IDE: variants seen among roughly 807,000 people sequenced by gnomAD.
IDE encodes the protein insulin-degrading enzyme.
A neutral mutation model predicts 133.2 loss-of-function variants in IDE; 58 were observed. The ratio of observed to expected loss-of-function variants is 0.44; its 90% CI spans 0.35 to 0.54. IDE has a LOEUF of 0.54. Among genes scored for constraint, IDE ranks in the 20% least tolerant of loss-of-function variants. The pLI, the probability that IDE is intolerant of heterozygous loss-of-function variation, is 0.00. For synonymous variants in IDE, 396 were observed against 421.3 expected (o/e 0.94, Z 0.73); for missense variants, 981 against 1,234.0 (o/e 0.79, Z 3.07).
chr10:92,480,196 G>A (rs530945230), intron 14 of IDE, among the ~76,000 whole-genome samples: 3 of 152,294 alleles, frequency 2.0e-5, no homozygotes, highest in African/African-American at 7.2e-5. Context: ...GGATTCAAAT[G>A]CAAGTTAAAT....
intron 20 of IDE, among the ~76,000 whole-genome samples, chr10:92,464,206 GA>G (rs1401357420): frequency 6.6e-6 from 1 of 152,142 alleles, no homozygotes. Context: ...TACAAAGTTG[GA>G]GATGACTTTT....
intron 17 of IDE, among the ~76,000 whole-genome samples, chr10:92,472,941 A>AT (rs535455118): frequency 1.7e-3 from 208 of 121,712 alleles, no homozygotes; most frequent in East Asian, 4.0e-3. Context: ...CCAGCCCAGA[A>AT]TTTTTTTTTT....
chr10:92,554,291 T>C (rs1229824597), intron 1 of IDE, among the ~76,000 whole-genome samples: 2 of 152,174 alleles, frequency 1.3e-5, no homozygotes, highest in African/African-American at 2.4e-5. Context: ...TAGTGGCTCA[T>C]GCCTGTCATC....
chr10:92,560,136 C>T (rs1329556058), intron 1 of IDE, among the ~76,000 whole-genome samples: 1 of 152,152 alleles, frequency 6.6e-6, no homozygotes, highest in Non-Finnish European at 1.5e-5. Context: ...TAGAAAGATG[C>T]TATGTTGTTG....
chr10:92,526,422 A>G (rs1288231022), intron 4 of IDE, among the ~76,000 whole-genome samples: 13 of 152,156 alleles, frequency 8.5e-5, no homozygotes, highest in Admixed American at 7.2e-4. Context: ...TCAGAATCCT[A>G]CTGTCCTTTC....
rs1454230658 is a variant in IDE at position 92,468,348 on chromosome 10, T to A, written c.2320+531A>T. Among the ~76,000 whole-genome samples the A allele has an allele frequency of 2.6e-5, 4 of 152,212 alleles. No individual in the cohort carries two copies. In the East Asian group the frequency reaches 7.7e-4, roughly 29 times the overall value. On this transcript the variant is annotated intron_variant, in intron 19 of 24. Coordinates refer to ENST00000265986, the MANE Select transcript of IDE (RefSeq NM_004969.4). ...GAGCAATATTGACAATAATGCTTAA[T>A]GAGTTTTTATCAGAAGAAGCCACTG...
intron 1 of IDE, among the ~76,000 whole-genome samples, chr10:92,552,857 C>CGAAAAAAAAAAAAAAAAAAA (rs1842846016): frequency 2.0e-5 from 1 of 49,380 alleles, no homozygotes; most frequent in African/African-American, 1.1e-4. Flanking sequence ...GACTCAGTCT[C>CGAAAAAAAAAAAAAAAAAAA]AAAAAAAAAA....
chr10:92,499,333 T>G (rs1188819766), intron 11 of IDE, among the ~76,000 whole-genome samples: 1 of 151,660 alleles, frequency 6.6e-6, no homozygotes, highest in Non-Finnish European at 1.5e-5. Context: ...ACCGTAGAGA[T>G]GAGGTTTTGC....
chr10:92,565,431 GA>G (rs1843491165), intron 1 of IDE, among the ~76,000 whole-genome samples: 3 of 146,780 alleles, frequency 2.0e-5, no homozygotes, highest in Non-Finnish European at 4.5e-5. Flanking sequence ...AAAAAGAAAA[GA>G]AAGAAAGAAA....
At chr10:92,482,571 CA>C (rs1337267937) in intron 14 of IDE, among the ~76,000 whole-genome samples, 1 of 152,034 alleles carries the variant, frequency 6.6e-6, no homozygotes, top group Non-Finnish European at 1.5e-5. Flanking sequence ...AATACAAAGC[CA>C]AAGCAATAAA....
At position 92,452,126 on chromosome 10, in the gene IDE, C is replaced by T. The variant is rs1844773289; in HGVS notation, c.*2318G>A. 1 of 152,180 alleles carries T rather than the reference C, an allele frequency of 6.6e-6. No individual in the cohort carries two copies. 9.4% of individuals were successfully genotyped at this position (152,180 alleles called of 1,614,324 possible). A position where few individuals can be genotyped will look rare whatever the true frequency, so the allele number is the denominator to read the frequency against. On this transcript the variant is annotated 3_prime_UTR_variant, in exon 25 of 25. Transcript: ENST00000265986. ...TGTTAATATAATTCACTGCTTTCTGCATTATGAACAATGAAAGCAAGAAAT... is the reference window on the plus strand; with the variant it reads ...TGTTAATATAATTCACTGCTTTCTGTATTATGAACAATGAAAGCAAGAAAT...
intron 4 of IDE, among the ~76,000 whole-genome samples, chr10:92,522,807 T>C (rs935023699): frequency 6.6e-6 from 1 of 152,130 alleles, no homozygotes; most frequent in African/African-American, 2.4e-5. Flanking sequence ...GGGGTTACTG[T>C]GAGAATTATT....
At chr10:92,470,418 C>T in intron 17 of IDE, 73 bp from the exon 18 acceptor site, 2 of 952,026 alleles carry the variant, frequency 2.1e-6, no homozygotes, top group South Asian at 1.7e-5. Flanking sequence ...TTGAGACTTA[C>T]AGAAGACTTG....
intron 19 of IDE, 55 bp downstream of exon 19, chr10:92,468,824 C>T: frequency 1.1e-6 from 1 of 904,802 alleles, no homozygotes; most frequent in South Asian, 1.4e-5. Context: ...CCTGTAATCA[C>T]CCACACTGTT....
chr10:92,566,584 G>C (rs1246475009), intron 1 of IDE, among the ~76,000 whole-genome samples: 4 of 151,924 alleles, frequency 2.6e-5, no homozygotes, highest in East Asian at 1.9e-4. Flanking sequence ...TGGAGATAGA[G>C]AGTAGAAGGA....
Position 92,510,097 on chromosome 10 carries a change from G to A in IDE, c.850C>T (p.Pro284Ser). Residue 284 changes from proline to serine, a missense_variant, in exon 6 of 25, where the codon CCA becomes TCA. By Grantham distance (74) the Pro-to-Ser change is moderately conservative. Around this residue, in one of 2 missense-constraint regions of IDE, gnomAD observed 321 missense variants for 339.3 expected, o/e 0.95. Coordinates refer to ENST00000265986, the MANE Select transcript of IDE (RefSeq NM_004969.4). ...LFSEVENKNV[P>S]LPEFPEHPFQ... ...GGGTGTTCAGGAAATTCTGGCAATG[G>A]AACATTTTTGTTCTCTACTTCAGAA... is the stretch of plus-strand genomic sequence containing the variant. 1.2e-6 allele frequency: 2 copies of A among 1,605,868 alleles called. No homozygotes were observed. The highest frequency in any genetic ancestry group is 2.2e-5 in the South Asian group (2 of 90,432).
At chr10:92,487,425 C>T in intron 12 of IDE, 107 bp from the exon 13 acceptor site, 1 of 941,342 alleles carries the variant, frequency 1.1e-6, no homozygotes, top group Non-Finnish European at 1.6e-6. Flanking sequence ...AAATGTCACA[C>T]AGCATTGTTT....
At chr10:92,507,072 T>C (rs951461576) in intron 9 of IDE, among the ~76,000 whole-genome samples, 14 of 151,338 alleles carry the variant, frequency 9.3e-5, no homozygotes, top group Middle Eastern at 6.8e-3. Context: ...TAAAAGGCTT[T>C]TAAAAATTTG....
chr10:92,476,330 C>T (rs556758689), intron 15 of IDE, among the ~76,000 whole-genome samples: 2 of 152,076 alleles, frequency 1.3e-5, no homozygotes, highest in African/African-American at 4.8e-5. Flanking sequence ...TGCCCCACTA[C>T]GCCTGGTTAA....
Sources: gnomAD v4.1 joint callset for allele counts (sites outside exome capture counted in the v4.1 genomes callset) on GRCh38, gnomAD v4.1.1 for gene constraint, gnomAD v4.1.1 regional missense constraint, MANE v1.5 for transcripts, NCBI Gene and HGNC (gene_info 2026-07-23, HGNC 2026-07-21) for gene names.